ICE2: variants seen among roughly 807,000 people sequenced by gnomAD.
ICE2 encodes the protein little elongation complex subunit 2.
Under a neutral mutation model 105.4 loss-of-function variants are expected in ICE2, and 87 were observed. That is an observed-to-expected ratio of 0.83 (90% CI 0.69 to 0.99). The LOEUF is 0.99. Ranked by LOEUF, ICE2 falls within the 50% of genes least tolerant of loss-of-function variation. The probability of loss-of-function intolerance (pLI) is 0.00; values close to 1 mark genes in which losing one functional copy is unlikely to be tolerated. For synonymous variants in ICE2, 399 were observed against 392.0 expected (o/e 1.02, Z -0.21); for missense variants, 1,323 against 1,146.7 (o/e 1.15, Z -2.22).
intron 13 of ICE2, among the ~76,000 whole-genome samples, chr15:60,434,400 C>G (rs2063533313): frequency 6.6e-6 from 1 of 152,132 alleles, no homozygotes; most frequent in East Asian, 1.9e-4. Context: ...TGGCTCTAGC[C>G]TCCCTTAAGT....
Position 60,438,682 on chromosome 15 carries a change from T to C in ICE2, c.2426-2455A>G, listed in dbSNP as rs148816239. 55 of 152,354 alleles carry C rather than the reference T, an allele frequency of 3.6e-4. No individual in the cohort carries two copies. The East Asian group carries it at 9.2e-3, about 26-fold the overall frequency. The allele number at this position is 152,354 out of a possible 1,614,324, so 9.4% of individuals were successfully genotyped here. ...AAATATGGTCTGTCAAAAATAACTA[T>C]ACAGAGAATACCATACTAAGTGCTC... On this transcript the variant is annotated intron_variant, in intron 12 of 15. Coordinates refer to ENST00000261520, the MANE Select transcript of ICE2 (RefSeq NM_024611.6).
intron 12 of ICE2, 90 bp downstream of exon 12, chr15:60,442,326 A>C: frequency 1.7e-6 from 2 of 1,197,124 alleles, no homozygotes; most frequent in Non-Finnish European, 2.4e-6. Context: ...AAAGTAAAAA[A>C]GGGCAGAATA....
intron 5 of ICE2, among the ~76,000 whole-genome samples, chr15:60,463,324 G>A (rs946402735): frequency 6.6e-6 from 1 of 152,106 alleles, no homozygotes; most frequent in African/African-American, 2.4e-5. Flanking sequence ...CCCAAGTTCC[G>A]ATCAACAGGA....
In ICE2 at chr15:60,478,023, T is replaced by C. The variant is rs1412251869; in HGVS notation, c.-46A>G. 9 of 1,578,688 alleles carry C rather than the reference T, an allele frequency of 5.7e-6. No homozygotes were observed. Among genetic ancestry groups the C allele is most frequent in the Non-Finnish European group, 7.0e-6 (8 of 1,147,992 alleles). On this transcript the variant is annotated 5_prime_UTR_variant, in exon 2 of 16. Coordinates refer to ENST00000261520, the MANE Select transcript of ICE2 (RefSeq NM_024611.6). ...CTCTAGCTCACAGTTCACAGCTGCC[T>C]GGCTGCGAAGGCTCCAAGAGGCAGG...
rs761991924 is a variant in ICE2, at chr15:60,466,607, C to G, written c.515G>C (p.Arg172Pro). 1.2e-6 allele frequency: 2 copies of G among 1,610,704 alleles called. No individual in the cohort carries two copies. The highest frequency in any genetic ancestry group is 2.7e-5 in the African/African-American group (2 of 74,832). ...QDYNMLSDDA[R>P]LFTEKILRAC... ...TTGTTTTTTTACCTCTGTGAAGAGA[C>G]GGGCATCATCAGAAAGCATATTATA... The change falls in exon 5 of 16, where the codon CGT (arginine) becomes CCT (proline). Residue 172 changes from arginine (R) to proline (P), a missense_variant. Arg to Pro is a moderately radical substitution (Grantham distance 103). Transcript: ENST00000261520.
chr15:60,460,225 G>A (rs1353532115), intron 5 of ICE2, among the ~76,000 whole-genome samples: 2 of 152,194 alleles, frequency 1.3e-5, no homozygotes, highest in African/African-American at 4.8e-5. Flanking sequence ...TGGGTGCGGT[G>A]GCTCACACCT....
At chr15:60,463,894 CAAGT>C (rs769195955) in intron 5 of ICE2, among the ~76,000 whole-genome samples, 3 of 152,304 alleles carry the variant, frequency 2.0e-5, no homozygotes, top group East Asian at 1.9e-4. Flanking sequence ...ATTATTCACT[CAAGT>C]AAGGAGAATG....
At chr15:60,424,831 T>C (rs1047190245) in intron 15 of ICE2, among the ~76,000 whole-genome samples, 1 of 152,264 alleles carries the variant, frequency 6.6e-6, no homozygotes, top group East Asian at 1.9e-4. Context: ...TAATACAGAA[T>C]CCCTTGCTAT....
intron 12 of ICE2, chr15:60,438,933 G>A (rs909789206): frequency 3.3e-5 from 5 of 152,162 alleles, no homozygotes; most frequent in African/African-American, 1.2e-4. Flanking sequence ...TGTGCATCAA[G>A]GTTGGAAAGC....
At chr15:60,478,228 T>C (rs2064823166) in intron 1 of ICE2, among the ~76,000 whole-genome samples, 159 bp from the exon 2 acceptor site, 1 of 152,150 alleles carries the variant, frequency 6.6e-6, no homozygotes, top group Non-Finnish European at 1.5e-5. Flanking sequence ...AGAGCAGCAA[T>C]GACGATACAG....
In ICE2 at chr15:60,421,389, G is replaced by A. The variant is rs1349739211; in HGVS notation, c.*2245C>T. The A allele has an allele frequency of 1.3e-5, 2 of 151,828 alleles. No individual in the cohort carries two copies. Among genetic ancestry groups the A allele is most frequent in the Admixed American group, 1.3e-4 (2 of 15,224 alleles). The allele number at this position is 151,828 out of a possible 1,614,324, so 9.4% of individuals were successfully genotyped here. On this transcript the variant is annotated 3_prime_UTR_variant, in exon 16 of 16. Transcript: ENST00000261520. ...TAAACATATTGTCAGTTACTTCTTGGCTTATAAATTCTCAGTACTAAAAAT... is the reference window on the plus strand; with the variant it reads ...TAAACATATTGTCAGTTACTTCTTGACTTATAAATTCTCAGTACTAAAAAT...
chr15:60,431,282 T>C (rs1566969740), intron 14 of ICE2, among the ~76,000 whole-genome samples: 1 of 151,938 alleles, frequency 6.6e-6, no homozygotes, highest in Non-Finnish European at 1.5e-5. Context: ...CCAGAACCTG[T>C]GACTGTATTA....
chr15:60,447,814 T>C (rs2063857246), intron 11 of ICE2, 156 bp downstream of exon 11: 1 of 580,534 alleles, frequency 1.7e-6, no homozygotes, highest in African/African-American at 1.9e-5. Flanking sequence ...TTAAAATCGA[T>C]CTCAGCATTT....
At chr15:60,466,504 C>A in intron 5 of ICE2, 90 bp downstream of exon 5, 1 of 1,462,746 alleles carries the variant, frequency 6.8e-7, no homozygotes, top group Non-Finnish European at 9.3e-7. Context: ...CTGACAGTTC[C>A]GAATGCTTTT....
intron 11 of ICE2, among the ~76,000 whole-genome samples, chr15:60,446,670 C>A (rs1023822798): frequency 1.3e-5 from 2 of 152,152 alleles, no homozygotes; most frequent in African/African-American, 4.8e-5. Flanking sequence ...GCTGGGATTA[C>A]AGGTGTGAGG....
chr15:60,473,300 G>A (rs933426510), intron 3 of ICE2, among the ~76,000 whole-genome samples: 2 of 151,972 alleles, frequency 1.3e-5, no homozygotes, highest in East Asian at 3.9e-4. Context: ...CACACACACA[G>A]AGACAGAGAC....
chr15:60,425,429 G>A (rs2063319975), intron 15 of ICE2, among the ~76,000 whole-genome samples: 1 of 152,212 alleles, frequency 6.6e-6, no homozygotes, highest in Admixed American at 6.5e-5. Flanking sequence ...GTGTCTGAAT[G>A]TGTAAAATAA....
intron 5 of ICE2, among the ~76,000 whole-genome samples, chr15:60,458,401 A>T (rs1039785609): frequency 6.6e-6 from 1 of 152,114 alleles, no homozygotes; most frequent in East Asian, 1.9e-4. Flanking sequence ...TGCCCCCTAA[A>T]TTTTATTTTG....
intron 13 of ICE2, among the ~76,000 whole-genome samples, chr15:60,434,197 T>C (rs1473956807): frequency 6.6e-6 from 1 of 152,228 alleles, no homozygotes; most frequent in African/African-American, 2.4e-5. Context: ...GATAATAATA[T>C]TCATAAATTA....
Sources: gnomAD v4.1 joint callset for allele counts (sites outside exome capture counted in the v4.1 genomes callset) on GRCh38, gnomAD v4.1.1 for gene constraint, MANE v1.5 for transcripts, NCBI Gene and HGNC (gene_info 2026-07-23, HGNC 2026-07-21) for gene names.